MDGA2: variants seen among roughly 807,000 people sequenced by gnomAD.
MDGA2 encodes MAM domain containing glycosylphosphatidylinositol anchor 2.
Under a neutral mutation model 117.8 loss-of-function variants are expected in MDGA2, and 40 were observed. The observed-to-expected ratio is 0.34, with a 90% CI of 0.26 to 0.44. MDGA2 has a LOEUF of 0.44. MDGA2 is among the 20% of genes least tolerant of loss of function. The probability of loss-of-function intolerance (pLI) is 1.00; values close to 1 mark genes in which losing one functional copy is unlikely to be tolerated. For synonymous variants in MDGA2, 452 were observed against 439.0 expected, an observed-to-expected ratio of 1.03 and a Z score of -0.37; for missense variants, 1,123 against 1,250.6, an observed-to-expected ratio of 0.90 and a Z score of 1.54.
At chr14:47,232,022 T>C (rs1208885386) in intron 2 of MDGA2, among the ~76,000 whole-genome samples, 2 of 152,032 alleles carry the variant, frequency 1.3e-5, no homozygotes, top group Non-Finnish European at 2.9e-5. Flanking sequence ...CAGGATACAG[T>C]TTCCTGGACA....
chr14:46,930,162 T>C (rs969640798), intron 9 of MDGA2, among the ~76,000 whole-genome samples: 1 of 151,986 alleles, frequency 6.6e-6, no homozygotes, highest in African/African-American at 2.4e-5. Context: ...TAACATGTAA[T>C]ACCCAAATGT....
At chr14:47,146,273 A>G (rs1460312811) in intron 3 of MDGA2, among the ~76,000 whole-genome samples, 3 of 152,186 alleles carry the variant, frequency 2.0e-5, no homozygotes, top group African/African-American at 7.2e-5. Context: ...TAGTTTTGCA[A>G]CATTCTGAGG....
intron 2 of MDGA2, among the ~76,000 whole-genome samples, chr14:47,284,876 G>A (rs542407346): frequency 1.7e-4 from 26 of 152,092 alleles, no homozygotes; most frequent in Admixed American, 9.2e-4. Context: ...TTAGCTTATC[G>A]GTATGTCTAA....
rs1887166783 is a variant in MDGA2, at chr14:47,244,282, A to C, written c.421-26087T>G. 1.3e-5 allele frequency among the ~76,000 whole-genome samples: 2 copies of C among 151,872 alleles called. 1 individual carries two copies. The highest frequency in any genetic ancestry group is 2.9e-5 in the Non-Finnish European group (2 of 67,826). On this transcript the variant is annotated intron_variant, in intron 2 of 16. Transcript: ENST00000399232. ...AGTCAATTAATTTTAAAGTATTTAA[A>C]TAAAATTCTATTTGCCCTAAAGCAA...
intron 6 of MDGA2, among the ~76,000 whole-genome samples, chr14:47,068,781 A>G (rs914021703): frequency 2.3e-4 from 35 of 152,210 alleles, no homozygotes; most frequent in Non-Finnish European, 3.1e-4. Context: ...TTTTGAAAAT[A>G]GTACATCCTT....
At position 47,303,233 on chromosome 14, in the gene MDGA2, G is replaced by A. The variant is rs532807064; in HGVS notation, c.281-1683C>T. ...AGACTAGGTTCTGGGTATTATATTC[G>A]TTGGCTAAAGAAAAATACTCCAAGG... is the stretch of plus-strand genomic sequence containing the variant. On this transcript the variant is annotated intron_variant, in intron 1 of 16. Coordinates refer to ENST00000399232, the MANE Select transcript of MDGA2 (RefSeq NM_001113498.3). Among the ~76,000 whole-genome samples, 28 of 152,164 alleles carry A rather than the reference G, an allele frequency of 1.8e-4. No homozygotes were observed. In the East Asian group the frequency reaches 2.3e-3, roughly 13 times the overall value.
chr14:47,057,556 TATCA>T lies in MDGA2; in HGVS notation c.1525+3689_1525+3692del, dbSNP rs541233411. Among the ~76,000 whole-genome samples, 22 of 152,232 alleles carry T rather than the reference TATCA, an allele frequency of 1.4e-4. No individual in the cohort carries two copies. The South Asian group carries it at 3.7e-3, about 26-fold the overall frequency. On this transcript the variant is annotated intron_variant, in intron 7 of 16. Transcript: ENST00000399232. ...CTATAATCACATATATCATAGTTTTTATCAATCAAATTCAAACTCCAAAACACAT... is the reference window on the plus strand; with the variant it reads ...CTATAATCACATATATCATAGTTTTTATCAAATTCAAACTCCAAAACACAT...
chr14:47,417,955 C>T (rs1892506969), intron 1 of MDGA2, among the ~76,000 whole-genome samples: 1 of 152,144 alleles, frequency 6.6e-6, no homozygotes, highest in Non-Finnish European at 1.5e-5. Flanking sequence ...CTCATGTAGT[C>T]CTCCTGCTGG....
At chr14:47,243,192 T>A (rs1337692493) in intron 2 of MDGA2, among the ~76,000 whole-genome samples, 1 of 151,680 alleles carries the variant, frequency 6.6e-6, no homozygotes, top group Non-Finnish European at 1.5e-5. Flanking sequence ...CTAGCTGCTC[T>A]GGTGGGGCCT....
chr14:47,028,548 C>T (rs1257239439), intron 8 of MDGA2, among the ~76,000 whole-genome samples: 1 of 152,076 alleles, frequency 6.6e-6, no homozygotes, highest in African/African-American at 2.4e-5. Context: ...CTTTGAAGCT[C>T]TAAATTGTCT....
intron 9 of MDGA2, among the ~76,000 whole-genome samples, chr14:46,929,667 TCG>T (rs1884490978): frequency 7.9e-5 from 7 of 88,566 alleles, no homozygotes; most frequent in African/African-American, 1.3e-4. Context: ...TTTTTTTTTT[TCG>T]AGATGGACTC....
In MDGA2 at chr14:47,213,063, T is replaced by C. The variant is rs1885943467; in HGVS notation, c.595+4958A>G. Reference sequence around the variant, plus strand: ...TTATTTTGGGGATGATATTTCTTCCTTTTTTGTTTACTTCTTAGTTTTGGA... The same window carrying C: ...TTATTTTGGGGATGATATTTCTTCCCTTTTTGTTTACTTCTTAGTTTTGGA... On this transcript the variant is annotated intron_variant, in intron 3 of 16. Transcript: ENST00000399232. Among the ~76,000 whole-genome samples the C allele has an allele frequency of 1.3e-5, 2 of 152,152 alleles. 1 individual carries two copies. Among genetic ancestry groups the C allele is most frequent in the South Asian group, 4.1e-4 (2 of 4,828 alleles).
At chr14:47,597,502 G>C (rs577914949) in intron 1 of MDGA2, among the ~76,000 whole-genome samples, 1 of 151,760 alleles carries the variant, frequency 6.6e-6, no homozygotes, top group African/African-American at 2.4e-5. Context: ...AGCCCCGGGG[G>C]TGTCATGGAA....
At chr14:47,220,936 G>GC (rs886300211) in intron 2 of MDGA2, among the ~76,000 whole-genome samples, 1 of 152,224 alleles carries the variant, frequency 6.6e-6, no homozygotes, top group East Asian at 1.9e-4. Flanking sequence ...GGTTCAAATA[G>GC]CCCCCCATGA....
chr14:47,638,142 GTC>G (rs1402760980), intron 1 of MDGA2, among the ~76,000 whole-genome samples: 1 of 152,188 alleles, frequency 6.6e-6, no homozygotes, highest in Non-Finnish European at 1.5e-5. Flanking sequence ...TCCATGCTAA[GTC>G]TGTACGTGTC....
intron 3 of MDGA2, among the ~76,000 whole-genome samples, chr14:47,212,882 A>AGGG (rs1374745466): frequency 5.3e-5 from 8 of 152,090 alleles, no homozygotes; most frequent in African/African-American, 1.9e-4. Context: ...TTCCATGAGA[A>AGGG]TTTGTCTCTA....
chr14:47,360,083 G>A (rs1458196070), intron 1 of MDGA2, among the ~76,000 whole-genome samples: 1 of 151,910 alleles, frequency 6.6e-6, no homozygotes, highest in Non-Finnish European at 1.5e-5. Flanking sequence ...CGGGTGCAGT[G>A]GCTCATGCCT....
At chr14:47,378,686 G>C (rs1217885323) in intron 1 of MDGA2, among the ~76,000 whole-genome samples, 1 of 152,084 alleles carries the variant, frequency 6.6e-6, no homozygotes, top group Admixed American at 6.6e-5. Flanking sequence ...AAAAAAAATT[G>C]AACAAAGCCT....
chr14:46,999,218 AG>A (rs1566566991), intron 8 of MDGA2, among the ~76,000 whole-genome samples: 1 of 151,986 alleles, frequency 6.6e-6, no homozygotes, highest in Admixed American at 6.6e-5. Context: ...TAAAAAAAAA[AG>A]CTGTAAAGCA....
Sources: gnomAD v4.1 joint callset for allele counts (sites outside exome capture counted in the v4.1 genomes callset) on GRCh38, gnomAD v4.1.1 for gene constraint, MANE v1.5 for transcripts, NCBI Gene and HGNC (gene_info 2026-07-23, HGNC 2026-07-21) for gene names.